Variants in PRKCE observed in about 807,000 individuals in gnomAD.
PRKCE encodes the protein protein kinase C epsilon type.
In PRKCE, 16 loss-of-function variants were observed where a neutral mutation model predicts 85.4. The ratio of observed to expected loss-of-function variants is 0.19; its 90% CI spans 0.13 to 0.28. PRKCE has a LOEUF of 0.28. PRKCE is among the 10% of genes least tolerant of loss of function. The pLI is 1.00. For missense variants in PRKCE, 573 were observed against 975.2 expected, an observed-to-expected ratio of 0.59 and a Z score of 5.49; for synonymous variants, 388 against 371.5, an observed-to-expected ratio of 1.04 and a Z score of -0.51.
chr2:45,824,645 T>C (rs1174744483), intron 1 of PRKCE, among the ~76,000 whole-genome samples: 3 of 152,284 alleles, frequency 2.0e-5, no homozygotes, highest in Non-Finnish European at 2.9e-5. Flanking sequence ...TATTTTATTA[T>C]GGAAAATTTC....
At chr2:46,107,540 G>A (rs1446499390) in intron 11 of PRKCE, among the ~76,000 whole-genome samples, 3 of 152,174 alleles carry the variant, frequency 2.0e-5, no homozygotes, top group African/African-American at 7.2e-5. Context: ...AGATTCTGGG[G>A]TAAACATGTT....
chr2:46,144,202 C>T (rs1236131766), intron 11 of PRKCE, among the ~76,000 whole-genome samples: 1 of 152,160 alleles, frequency 6.6e-6, no homozygotes, highest in Non-Finnish European at 1.5e-5. Flanking sequence ...GCTTGCTGCA[C>T]AGAACCACGT....
chr2:45,757,456 C>G (rs1297525918), intron 1 of PRKCE, among the ~76,000 whole-genome samples: 1 of 151,804 alleles, frequency 6.6e-6, no homozygotes, highest in African/African-American at 2.4e-5. Context: ...TGCGTGTGGA[C>G]AGGAGTTTAA....
At chr2:46,045,077 A>G (rs780908052) in intron 10 of PRKCE, among the ~76,000 whole-genome samples, 5 of 152,372 alleles carry the variant, frequency 3.3e-5, no homozygotes, top group East Asian at 1.9e-4. Flanking sequence ...CAATTAGTGG[A>G]TCACAAAATT....
intron 13 of PRKCE, among the ~76,000 whole-genome samples, chr2:46,152,854 A>C (rs987325366): frequency 6.6e-6 from 1 of 152,172 alleles, no homozygotes; most frequent in Non-Finnish European, 1.5e-5. Flanking sequence ...ACCTAATGTA[A>C]ATTATTGTAT....
rs1347736428 is a variant in PRKCE, at chr2:46,139,332, G to A, written c.1593-5761G>A. Among the ~76,000 whole-genome samples the A allele has an allele frequency of 6.6e-6, 1 of 152,182 alleles. No individual in the cohort carries two copies. The highest frequency in any genetic ancestry group is 1.9e-4 in the East Asian group (1 of 5,200). Reference sequence around the variant, plus strand: ...GGGTTCGGTATAATGGCAGGGCACAGAATGATAAACATAAATCAATACCTA... The same window carrying A: ...GGGTTCGGTATAATGGCAGGGCACAAAATGATAAACATAAATCAATACCTA... On this transcript the variant is annotated intron_variant, in intron 11 of 14. Coordinates refer to ENST00000306156, the MANE Select transcript of PRKCE (RefSeq NM_005400.3). The surrounding 1 kb of genome is among the most constrained non-coding windows in gnomAD (Gnocchi z 5.2).
chr2:45,701,963 C>T (rs961885326), intron 1 of PRKCE, among the ~76,000 whole-genome samples: 7 of 152,072 alleles, frequency 4.6e-5, no homozygotes, highest in African/African-American at 1.4e-4. Context: ...GAGGCTGAGG[C>T]GGATCACCTG....
chr2:45,868,319 CAAAAAAAAAAAA>C lies in PRKCE; in HGVS notation c.412+25268_412+25279del, dbSNP rs371501864. On this transcript the variant is annotated intron_variant, in intron 2 of 14. Transcript: ENST00000306156. The stretch of plus-strand genomic sequence containing the variant: ...AAACACCAAAATCCCCTTTCCTGTC[CAAAAAAAAAAAA>C]AAAAAAAAAAACTTTTTAGGGCAGT... Among the ~76,000 whole-genome samples the C allele has an allele frequency of 7.7e-3, 277 of 36,010 alleles. 3 individuals carry two copies. Among genetic ancestry groups the C allele is most frequent in the African/African-American group, 0.029 (271 of 9,272 alleles). The allele number at this position is 36,010 out of a possible 152,430, so 23.6% of individuals were successfully genotyped here. A position where few individuals can be genotyped will look rare whatever the true frequency, so the allele number is the denominator to read the frequency against.
At chr2:45,757,802 G>C (rs1253193206) in intron 1 of PRKCE, among the ~76,000 whole-genome samples, 4 of 152,134 alleles carry the variant, frequency 2.6e-5, no homozygotes, top group African/African-American at 9.7e-5. Flanking sequence ...GAAATGAGAG[G>C]AGAAAAAATA....
Position 45,871,735 on chromosome 2 carries a change from C to T in PRKCE, c.412+28672C>T, listed in dbSNP as rs575348357. On this transcript the variant is annotated intron_variant, in intron 2 of 14. Coordinates refer to ENST00000306156, the MANE Select transcript of PRKCE (RefSeq NM_005400.3). ...CTTTAGAAGCCAGAAGCCAGGTCAGCGGTAAGGATTTAAGGGAGGAGGACT... is the reference window on the plus strand; with the variant it reads ...CTTTAGAAGCCAGAAGCCAGGTCAGTGGTAAGGATTTAAGGGAGGAGGACT... Among the ~76,000 whole-genome samples the T allele has an allele frequency of 1.1e-4, 17 of 152,266 alleles. No homozygotes were observed. The East Asian group carries it at 3.1e-3, about 28-fold the overall frequency.
rs2104566705 is a variant in PRKCE at position 46,157,454 on chromosome 2, A to T, written c.1921-2152A>T. On this transcript the variant is annotated intron_variant, in intron 13 of 14. Coordinates refer to ENST00000306156, the MANE Select transcript of PRKCE (RefSeq NM_005400.3). ...TGGAGATATTTTTGGTGCTGCTGGC[A>T]TGTAGCAGGTAGAGGCCATGGAGGC... 2.0e-5 allele frequency among the ~76,000 whole-genome samples: 3 copies of T among 152,346 alleles called. 1 individual carries two copies. Among genetic ancestry groups the T allele is most frequent in the Admixed American group, 2.0e-4 (3 of 15,312 alleles).
chr2:45,729,712 A>C (rs1681402432), intron 1 of PRKCE, among the ~76,000 whole-genome samples: 1 of 152,346 alleles, frequency 6.6e-6, no homozygotes, highest in South Asian at 2.1e-4. Flanking sequence ...AGCAGAAAAT[A>C]TTCCAAGGGA....
intron 1 of PRKCE, among the ~76,000 whole-genome samples, chr2:45,834,670 C>G (rs989111572): frequency 6.6e-6 from 1 of 152,086 alleles, no homozygotes; most frequent in African/African-American, 2.4e-5. Flanking sequence ...CATGAACTTA[C>G]GGTGTGTTGC....
At chr2:45,883,201 C>G (rs147242698) in intron 2 of PRKCE, among the ~76,000 whole-genome samples, 31 of 152,344 alleles carry the variant, frequency 2.0e-4, no homozygotes, top group Admixed American at 1.8e-3. Context: ...GGGGACTTCC[C>G]TAAACAGATT....
chr2:45,901,654 C>T (rs569909573), intron 2 of PRKCE, among the ~76,000 whole-genome samples: 2 of 152,320 alleles, frequency 1.3e-5, no homozygotes, highest in South Asian at 4.1e-4. Flanking sequence ...AGTGTGTGCA[C>T]AGCTGATTCG....
chr2:46,139,159 A>G lies in PRKCE; in HGVS notation c.1593-5934A>G, dbSNP rs965806019. 2.0e-5 allele frequency among the ~76,000 whole-genome samples: 3 copies of G among 152,214 alleles called. No homozygotes were observed. The highest frequency in any genetic ancestry group is 4.8e-5 in the African/African-American group (2 of 41,442). On this transcript the variant is annotated intron_variant, in intron 11 of 14. Coordinates refer to ENST00000306156, the MANE Select transcript of PRKCE (RefSeq NM_005400.3). The surrounding 1 kb of genome is among the most constrained non-coding windows in gnomAD (Gnocchi z 5.2). ...GATGCTATCACCATTATTACTTAGC[A>G]TTGTTCTTGAGGTTGCAGTCAACAC... is the stretch of plus-strand genomic sequence containing the variant.
rs1011022027 is a variant in PRKCE at position 45,774,507 on chromosome 2, C to A, written c.349-68493C>A. Among the ~76,000 whole-genome samples the A allele has an allele frequency of 2.0e-5, 3 of 152,196 alleles. No individual in the cohort carries two copies. The highest frequency in any genetic ancestry group is 7.2e-5 in the African/African-American group (3 of 41,444). The stretch of plus-strand genomic sequence containing the variant: ...TAAATTCTCTTCCCTCCCTGTCTCT[C>A]CTGTCTCCTTTCCATCATGCCAAAG... On this transcript the variant is annotated intron_variant, in intron 1 of 14. Transcript: ENST00000306156. This position sits in a 1 kb window ranked among gnomAD's most constrained non-coding sequence, Gnocchi z 4.3.
At chr2:45,816,248 C>G (rs973399455) in intron 1 of PRKCE, among the ~76,000 whole-genome samples, 3 of 152,278 alleles carry the variant, frequency 2.0e-5, no homozygotes, top group African/African-American at 7.2e-5. Context: ...TTACTTACCT[C>G]TTTGCTGGGC....
At chr2:45,737,043 ATC>A (rs1682129031) in intron 1 of PRKCE, among the ~76,000 whole-genome samples, 1 of 152,114 alleles carries the variant, frequency 6.6e-6, no homozygotes, top group South Asian at 2.1e-4. Flanking sequence ...GTCATCGTGC[ATC>A]TCTCTGCCTG....
Sources: gnomAD v4.1 joint callset for allele counts (sites outside exome capture counted in the v4.1 genomes callset) on GRCh38, gnomAD v4.1.1 for gene constraint, Gnocchi (gnomAD v3.1) non-coding constraint, MANE v1.5 for transcripts, NCBI Gene and HGNC (gene_info 2026-07-23, HGNC 2026-07-21) for gene names.